Variants in MIB1 observed in about 807,000 individuals in gnomAD.
MIB1 encodes E3 ubiquitin-protein ligase MIB1.
A neutral mutation model predicts 124.5 loss-of-function variants in MIB1; 278 were observed. That is an observed-to-expected ratio of 2.23 (90% CI 2.02 to 2.47). MIB1 has a LOEUF of 2.47. Ranked by LOEUF, MIB1 falls within the 30% of genes most tolerant of loss-of-function variation. The pLI, the probability that MIB1 is intolerant of heterozygous loss-of-function variation, is 0.00. For missense variants in MIB1, 957 were observed against 1,254.4 expected (o/e 0.76, Z 3.58); for synonymous variants, 446 against 429.4 (o/e 1.04, Z -0.48).
rs1379005190 is a variant in MIB1 at position 21,779,966 on chromosome 18, AG to A, written c.908+282del. ...TGTACACTATTTTTCCTTCAAGAGGAGAATACATTATATCACTATTAGGTCT... is the reference window on the plus strand; with the variant it reads ...TGTACACTATTTTTCCTTCAAGAGGAAATACATTATATCACTATTAGGTCT... On this transcript the variant is annotated intron_variant, in intron 6 of 20. Transcript: ENST00000261537. Among the ~76,000 whole-genome samples, 10 of 152,088 alleles carry A rather than the reference AG, an allele frequency of 6.6e-5. No homozygotes were observed. In the East Asian group the frequency reaches 1.9e-3, roughly 29 times the overall value.
chr18:21,849,186 CTTTTA>C lies in MIB1; in HGVS notation c.2394-7_2394-3del. 6.7e-7 allele frequency: 1 copy of C among 1,494,202 alleles called. No individual in the cohort carries two copies. The highest frequency in any genetic ancestry group is 9.0e-7 in the Non-Finnish European group (1 of 1,113,626). 92.6% of individuals were successfully genotyped at this position (1,494,202 alleles called of 1,614,324 possible). ...AGATAGGCTTGATTTGAAATACTTT[CTTTTA>C]TTAGTGGTCAAGTGGGTTCTCGGAG... On this transcript the variant is annotated splice_region_variant and splice_polypyrimidine_tract_variant and intron_variant, in intron 16 of 20. Coordinates refer to ENST00000261537, the MANE Select transcript of MIB1 (RefSeq NM_020774.4).
At chr18:21,807,606 T>C (rs916097463) in intron 10 of MIB1, among the ~76,000 whole-genome samples, 1 of 152,172 alleles carries the variant, frequency 6.6e-6, no homozygotes, top group South Asian at 2.1e-4. Context: ...GAGGCATTTT[T>C]AATTGTTACA....
At chr18:21,833,032 C>T (rs967430697) in intron 12 of MIB1, among the ~76,000 whole-genome samples, 17 of 152,170 alleles carry the variant, frequency 1.1e-4, no homozygotes, top group Admixed American at 9.8e-4. Flanking sequence ...ATTCTTCTCA[C>T]ATTTTACAGA....
At chr18:21,862,352 A>G (rs2042284162) in intron 20 of MIB1, among the ~76,000 whole-genome samples, 1 of 152,234 alleles carries the variant, frequency 6.6e-6, no homozygotes, top group Admixed American at 6.5e-5. Context: ...AGTTGGTAAC[A>G]GTTGGTAACA....
intron 3 of MIB1, among the ~76,000 whole-genome samples, chr18:21,772,356 A>C (rs2041232903): frequency 6.6e-6 from 1 of 152,188 alleles, no homozygotes; most frequent in Non-Finnish European, 1.5e-5. Flanking sequence ...TCTTTGCTGT[A>C]GTCAGGTTTA....
rs180671202 is a variant in MIB1, at chr18:21,750,531, G to T, written c.229+8719G>T. Among the ~76,000 whole-genome samples, 1,291 of 152,218 alleles carry T rather than the reference G, an allele frequency of 8.5e-3. 8 individuals are homozygous for T. The highest frequency in any genetic ancestry group is 0.014 in the Non-Finnish European group (985 of 68,010). On this transcript the variant is annotated intron_variant, in intron 1 of 20. Transcript: ENST00000261537. ...TTTAGTAGAGACGGGGTTTCACCGT[G>T]TTAGCCATGATGGTCTCCATCTCCT...
At chr18:21,764,738 A>C (rs1364670046) in intron 1 of MIB1, among the ~76,000 whole-genome samples, 2 of 149,300 alleles carry the variant, frequency 1.3e-5, no homozygotes, top group Non-Finnish European at 3.0e-5. Flanking sequence ...GAAAAAAAAA[A>C]CAAAACAAAA....
intron 10 of MIB1, among the ~76,000 whole-genome samples, chr18:21,804,581 T>A (rs1044384966): frequency 2.0e-5 from 3 of 152,240 alleles, no homozygotes; most frequent in Non-Finnish European, 2.9e-5. Context: ...GGGATCTCTC[T>A]GTATCTCTAT....
chr18:21,773,573 G>T, intron 3 of MIB1, 51 bp from the exon 4 acceptor site: 1 of 1,139,784 alleles, frequency 8.8e-7, no homozygotes, highest in South Asian at 1.4e-5. Context: ...AAAGAACTAA[G>T]CTCTTCCCTC....
intron 1 of MIB1, among the ~76,000 whole-genome samples, chr18:21,753,239 A>G (rs1012134529): frequency 5.9e-5 from 9 of 152,172 alleles, no homozygotes; most frequent in African/African-American, 2.2e-4. Flanking sequence ...CCCAGTCTGT[A>G]GTGCAGTGGC....
intron 3 of MIB1, among the ~76,000 whole-genome samples, chr18:21,770,649 A>G (rs2041214580): frequency 1.3e-5 from 2 of 152,192 alleles, no homozygotes; most frequent in Admixed American, 6.5e-5. Context: ...AAGTCTCACT[A>G]TACGTGTTAG....
intron 12 of MIB1, among the ~76,000 whole-genome samples, chr18:21,822,432 T>C (rs2041887213): frequency 6.6e-6 from 1 of 152,230 alleles, no homozygotes; most frequent in African/African-American, 2.4e-5. Flanking sequence ...ACAGCACCTC[T>C]TCCAACCAGA....
intron 12 of MIB1, among the ~76,000 whole-genome samples, chr18:21,823,231 CA>C (rs11315288): frequency 0.95 from 123,161 of 129,964 alleles, 58,369 homozygotes; most frequent in Middle Eastern, 0.97. Flanking sequence ...AAGACTGTAT[CA>C]AAAAAAAAAA....
Position 21,773,726 on chromosome 18 carries a change from A to G in MIB1, c.634A>G (p.Met212Val), listed in dbSNP as rs1461791086. The change falls in exon 4 of 21, where the codon ATG becomes GTG. Residue 212 changes from methionine (M) to valine (V), a missense_variant and splice_region_variant. By Grantham distance (21) the Met-to-Val change is conservative. Transcript: ENST00000261537. Reference protein sequence around the residue: ...KNLYRVGFEGMSDLKCVQDAK... With the variant: ...KNLYRVGFEGVSDLKCVQDAK... ...CCTTTACAGAGTTGGCTTTGAGGGC[A>G]TGGTAAGTAGTGAAGAGCCATAGCA... 6.3e-6 allele frequency: 10 copies of G among 1,589,902 alleles called. No individual in the cohort carries two copies. The highest frequency in any genetic ancestry group is 1.7e-6 in the Non-Finnish European group (2 of 1,168,442).
At chr18:21,811,807 T>TG (rs1195058148) in intron 10 of MIB1, among the ~76,000 whole-genome samples, 1 of 152,134 alleles carries the variant, frequency 6.6e-6, no homozygotes, top group African/African-American at 2.4e-5. Context: ...ATGGTGGTGA[T>TG]GGTTGCACAG....
At chr18:21,715,952 C>A (rs1375228834) in intron 1 of MIB1, among the ~76,000 whole-genome samples, 3 of 152,166 alleles carry the variant, frequency 2.0e-5, no homozygotes, top group Non-Finnish European at 4.4e-5. Flanking sequence ...GGGGAATAAT[C>A]AAGGAAAACT....
chr18:21,708,452 G>A (rs770105129), intron 1 of MIB1, among the ~76,000 whole-genome samples: 2 of 152,122 alleles, frequency 1.3e-5, no homozygotes, highest in Non-Finnish European at 2.9e-5. Context: ...TCAGGAGTTC[G>A]AGACCAGCTT....
intron 9 of MIB1, among the ~76,000 whole-genome samples, chr18:21,802,013 G>A (rs987615648): frequency 6.6e-6 from 1 of 152,060 alleles, no homozygotes; most frequent in African/African-American, 2.4e-5. Context: ...AAGGATGCAT[G>A]GGAAATAGAC....
At chr18:21,732,578 T>C (rs1392034084) in intron 1 of MIB1, among the ~76,000 whole-genome samples, 4 of 152,148 alleles carry the variant, frequency 2.6e-5, no homozygotes, top group South Asian at 4.1e-4. Flanking sequence ...TTGATTTTTC[T>C]GTAGAGATGG....
Sources: gnomAD v4.1 joint callset for allele counts (sites outside exome capture counted in the v4.1 genomes callset) on GRCh38, gnomAD v4.1.1 for gene constraint, MANE v1.5 for transcripts, NCBI Gene and HGNC (gene_info 2026-07-23, HGNC 2026-07-21) for gene names.